Variants in NOS1 observed in about 807,000 individuals in gnomAD.
NOS1 encodes the protein nitric oxide synthase 1, also known as NOS type I.
In NOS1, 51 loss-of-function variants were observed where a neutral mutation model predicts 164.5. That is an observed-to-expected ratio of 0.31 (90% CI 0.25 to 0.39). The LOEUF (loss-of-function observed/expected upper bound fraction) is 0.39. NOS1 is among the 10% of genes least tolerant of loss of function. The pLI is 1.00. For synonymous variants in NOS1, 719 were observed against 745.8 expected (o/e 0.96, Z 0.59); for missense variants, 1,362 against 1,885.6 (o/e 0.72, Z 5.14).
intron 14 of NOS1, among the ~76,000 whole-genome samples, chr12:117,259,396 C>A (rs2135977816): frequency 6.6e-6 from 1 of 152,240 alleles, no homozygotes; most frequent in South Asian, 2.1e-4. Flanking sequence ...TGTGGAGAAT[C>A]TGAAGCAATG....
chr12:117,238,326 T>C (rs573827050), intron 20 of NOS1, among the ~76,000 whole-genome samples: 24 of 152,148 alleles, frequency 1.6e-4, no homozygotes, highest in Non-Finnish European at 2.4e-4. Context: ...GTAGGACACC[T>C]AGTCCTAACC....
intron 20 of NOS1, among the ~76,000 whole-genome samples, chr12:117,235,235 CT>C (rs1462971591): frequency 6.6e-6 from 1 of 152,110 alleles, no homozygotes; most frequent in East Asian, 1.9e-4. Flanking sequence ...TACACTGAGG[CT>C]TTTATCAAGG....
intron 26 of NOS1, among the ~76,000 whole-genome samples, chr12:117,221,719 G>A (rs1333482327): frequency 6.7e-6 from 1 of 150,294 alleles, no homozygotes; most frequent in Non-Finnish European, 1.5e-5. Context: ...CTGAAGCCTT[G>A]ACCTCCCAGG....
rs982226004 is a variant in NOS1, at chr12:117,209,124, A to G, written c.*6185T>C. On this transcript the variant is annotated 3_prime_UTR_variant, in exon 29 of 29. Transcript: ENST00000317775. ...AGATAATGGAAACAACCACTGGGCT[A>G]GGCAAAGTTTCTGCTGCGTGCTCCA... 130 of 985,294 alleles carry G rather than the reference A, an allele frequency of 1.3e-4. No homozygotes were observed. Among genetic ancestry groups the G allele is most frequent in the Admixed American group, 1.8e-4 (3 of 16,262 alleles). 61.0% of individuals were successfully genotyped at this position (985,294 alleles called of 1,614,324 possible). A position where few individuals can be genotyped will look rare whatever the true frequency, so the allele number is the denominator to read the frequency against.
In NOS1 at chr12:117,212,302, G is replaced by A. The variant is rs961616486; in HGVS notation, c.*3007C>T. On this transcript the variant is annotated 3_prime_UTR_variant, in exon 29 of 29. Transcript: ENST00000317775. ...CAGACTCTAAAAGGTCAAGTGAGCC[G>A]CCCACAGCCATCTGCACCAACAGGG... The A allele has an allele frequency of 1.0e-5, 10 of 985,182 alleles. 1 individual carries two copies. Among genetic ancestry groups the A allele is most frequent in the East Asian group, 1.1e-4 (1 of 8,828 alleles). The allele number at this position is 985,182 out of a possible 1,614,324, so 61.0% of individuals were successfully genotyped here. A position where few individuals can be genotyped will look rare whatever the true frequency, so the allele number is the denominator to read the frequency against.
chr12:117,235,749 A>G (rs574376036), intron 20 of NOS1, among the ~76,000 whole-genome samples: 2 of 152,220 alleles, frequency 1.3e-5, no homozygotes, highest in Admixed American at 6.5e-5. Context: ...TCCTTTAAAA[A>G]GTTTCAGTAC....
chr12:117,268,480 C>A (rs952596917), intron 10 of NOS1, among the ~76,000 whole-genome samples: 1 of 152,144 alleles, frequency 6.6e-6, no homozygotes, highest in Non-Finnish European at 1.5e-5. Flanking sequence ...GATCCACCCA[C>A]CTTGGCCTCC....
At position 117,232,037 on chromosome 12, in the gene NOS1, C is replaced by T. The variant is rs77927749; in HGVS notation, c.3330G>A (p.Thr1110=). The part of the protein sequence containing the change: ...KYYLDITTPP[T]PLQLQQFASL... ...AGGCAAACTGCTGCAGCTGCAGAGG[C>T]GTTGGTGGCGTGGTGATGTCCAGGT... is the stretch of plus-strand genomic sequence containing the variant. Residue 1110 remains threonine (T), a synonymous_variant, in exon 22 of 29, where the codon ACG becomes ACA. Transcript: ENST00000317775. 6.8e-4 allele frequency: 1,103 copies of T among 1,612,522 alleles called. 2 individuals are homozygous for T. Among genetic ancestry groups the T allele is most frequent in the Admixed American group, 8.8e-4 (53 of 60,006 alleles).
At chr12:117,235,457 CTA>C (rs1869628917) in intron 20 of NOS1, among the ~76,000 whole-genome samples, 1 of 152,128 alleles carries the variant, frequency 6.6e-6, no homozygotes, top group South Asian at 2.1e-4. Context: ...CTGTGAAATT[CTA>C]TATCTCCTAG....
At chr12:117,255,965 A>G in intron 16 of NOS1, 3 of 1,489,720 alleles carry the variant, frequency 2.0e-6, no homozygotes, top group Admixed American at 2.8e-5. Flanking sequence ...CTGCAGCCAG[A>G]CCGTGGACTT....
At chr12:117,321,430 T>C (rs1173550072) in intron 2 of NOS1, among the ~76,000 whole-genome samples, 1 of 152,222 alleles carries the variant, frequency 6.6e-6, no homozygotes, top group Non-Finnish European at 1.5e-5. Flanking sequence ...ATTCATTCCA[T>C]GAAAGGCGGT....
chr12:117,352,922 G>C (rs554176194), intron 1 of NOS1, among the ~76,000 whole-genome samples: 1 of 152,092 alleles, frequency 6.6e-6, no homozygotes, highest in East Asian at 1.9e-4. Context: ...TAAAAGAATG[G>C]TGTAAAAACA....
At chr12:117,274,423 A>G (rs1873016778) in intron 9 of NOS1, among the ~76,000 whole-genome samples, 1 of 152,168 alleles carries the variant, frequency 6.6e-6, no homozygotes, top group African/African-American at 2.4e-5. Context: ...AAAAACTGCA[A>G]ATAGAACTAC....
intron 26 of NOS1, among the ~76,000 whole-genome samples, chr12:117,221,935 C>T (rs1956713390): frequency 6.6e-6 from 1 of 150,524 alleles, no homozygotes; most frequent in Non-Finnish European, 1.5e-5. Flanking sequence ...GCTGGGATTA[C>T]AGGCGTGAGT....
At chr12:117,262,900 C>G (rs4767524) in intron 13 of NOS1, among the ~76,000 whole-genome samples, 92,256 of 151,824 alleles carry the variant, frequency 0.61, 29,205 homozygotes, top group South Asian at 0.73. Flanking sequence ...GCCATAACCC[C>G]CTTCCTTCCC....
At chr12:117,297,533 A>T (rs1873502152) in intron 3 of NOS1, among the ~76,000 whole-genome samples, 1 of 152,168 alleles carries the variant, frequency 6.6e-6, no homozygotes, top group Non-Finnish European at 1.5e-5. Flanking sequence ...CTGGGATTAC[A>T]GGCATGTGCC....
chr12:117,233,034 CTT>C (rs34474757), intron 21 of NOS1, among the ~76,000 whole-genome samples: 6 of 88,366 alleles, frequency 6.8e-5, no homozygotes, highest in African/African-American at 1.0e-4. Context: ...TGCCTCACTA[CTT>C]TTTTTTTTTT....
intron 1 of NOS1, among the ~76,000 whole-genome samples, chr12:117,357,836 G>A (rs1402622052): frequency 6.6e-6 from 1 of 152,272 alleles, no homozygotes; most frequent in African/African-American, 2.4e-5. Flanking sequence ...ATTAGAACGA[G>A]GAAAATGGTC....
At position 117,346,963 on chromosome 12, in the gene NOS1, T is replaced by C. The variant is rs11833539; in HGVS notation, c.-421+14549A>G. 9.1e-3 allele frequency among the ~76,000 whole-genome samples: 1,388 copies of C among 152,218 alleles called. 20 individuals carry two copies. The highest frequency in any genetic ancestry group is 0.031 in the African/African-American group (1,307 of 41,516). On this transcript the variant is annotated intron_variant, in intron 1 of 28. Coordinates refer to ENST00000317775, the MANE Select transcript of NOS1 (RefSeq NM_000620.5). Reference sequence around the variant, plus strand: ...GTTTGGTTAATACAGTTAAATTTTTTCCCCCAAATTTGTTATCACCATTTA... The same window carrying C: ...GTTTGGTTAATACAGTTAAATTTTTCCCCCCAAATTTGTTATCACCATTTA...
Sources: gnomAD v4.1 joint callset for allele counts (sites outside exome capture counted in the v4.1 genomes callset) on GRCh38, gnomAD v4.1.1 for gene constraint, MANE v1.5 for transcripts, NCBI Gene and HGNC (gene_info 2026-07-23, HGNC 2026-07-21) for gene names.